Variants in RGS6 observed in about 807,000 individuals in gnomAD.
The protein encoded by RGS6 is regulator of G-protein signaling 6.
A neutral mutation model predicts 78.5 loss-of-function variants in RGS6; 30 were observed. The ratio of observed to expected loss-of-function variants is 0.38; its 90% CI spans 0.29 to 0.52. The LOEUF is 0.52. RGS6 is among the 20% of genes least tolerant of loss of function. The probability of loss-of-function intolerance (pLI) is 0.85; values close to 1 mark genes in which losing one functional copy is unlikely to be tolerated. For missense variants in RGS6, 495 were observed against 609.7 expected, an observed-to-expected ratio of 0.81 and a Z score of 1.98; for synonymous variants, 206 against 206.0, an observed-to-expected ratio of 1.00 and a Z score of 0.00.
chr14:72,328,567 A>G (rs936835225), intron 2 of RGS6, among the ~76,000 whole-genome samples: 6 of 152,232 alleles, frequency 3.9e-5, no homozygotes, highest in Admixed American at 3.9e-4. Context: ...CATGACTCAT[A>G]AAGAGTAATT....
At chr14:72,450,982 A>G (rs2095478307) in intron 3 of RGS6, among the ~76,000 whole-genome samples, 1 of 152,218 alleles carries the variant, frequency 6.6e-6, no homozygotes, top group Non-Finnish European at 1.5e-5. Context: ...ACTCCCTGCC[A>G]CGGGCTGGAG....
At chr14:72,107,387 C>T (rs941282050) in intron 2 of RGS6, among the ~76,000 whole-genome samples, 3 of 152,152 alleles carry the variant, frequency 2.0e-5, no homozygotes, top group African/African-American at 7.2e-5. Context: ...TTTGGTATAA[C>T]TCTAGCACTA....
chr14:72,199,138 T>C (rs1427767601), intron 2 of RGS6, among the ~76,000 whole-genome samples: 1 of 152,172 alleles, frequency 6.6e-6, no homozygotes, highest in Non-Finnish European at 1.5e-5. Flanking sequence ...GATTTGTAAA[T>C]GATGTGTATA....
At chr14:72,375,637 T>C (rs1450332222) in intron 3 of RGS6, among the ~76,000 whole-genome samples, 2 of 152,230 alleles carry the variant, frequency 1.3e-5, no homozygotes, top group Non-Finnish European at 2.9e-5. Context: ...TGACCCACTG[T>C]GTGCAGACAT....
chr14:72,078,526 G>T (rs138208573), intron 2 of RGS6, among the ~76,000 whole-genome samples: 1 of 151,862 alleles, frequency 6.6e-6, no homozygotes, highest in Non-Finnish European at 1.5e-5. Flanking sequence ...TGATTCTCCC[G>T]CCTCAGCTTC....
intron 17 of RGS6, among the ~76,000 whole-genome samples, chr14:72,551,317 C>T (rs2097503503): frequency 6.6e-6 from 1 of 152,142 alleles, no homozygotes; most frequent in African/African-American, 2.4e-5. Flanking sequence ...GCATCTTGCT[C>T]CAGCAGGACT....
chr14:71,924,541 T>G, the RGS6 span, among the ~76,000 whole-genome samples: 2 of 152,176 alleles, frequency 1.3e-5, no homozygotes, highest in African/African-American at 4.8e-5. Context: ...ACCTACATCT[T>G]CTCATTTCCA....
chr14:72,629,570 A>G, the RGS6 span: 9 of 1,486,380 alleles, frequency 6.1e-6, no homozygotes, highest in East Asian at 2.0e-4. Context: ...TCACCCCTCA[A>G]AGGACCCCAG....
chr14:72,381,123 C>G (rs1257470898), intron 3 of RGS6, among the ~76,000 whole-genome samples: 1 of 151,940 alleles, frequency 6.6e-6, no homozygotes. Context: ...ATATTGATCT[C>G]ATAGAAGTAG....
At chr14:71,922,205 A>G in the RGS6 span, among the ~76,000 whole-genome samples, 128 of 152,332 alleles carry the variant, frequency 8.4e-4, no homozygotes, top group African/African-American at 3.0e-3. Flanking sequence ...GGTTGGAATC[A>G]TCTTTGACTC....
chr14:71,957,415 G>C (rs2092870582), intron 1 of RGS6, among the ~76,000 whole-genome samples: 2 of 151,784 alleles, frequency 1.3e-5, no homozygotes, highest in African/African-American at 2.4e-5. Context: ...CTGGTCTTCA[G>C]ATATATGACG....
chr14:72,476,745 G>T lies in RGS6; in HGVS notation c.697G>T (p.Val233Leu), dbSNP rs141922821. The change falls in exon 11 of 18, where the codon GTG (valine) becomes TTG (leucine). Residue 233 changes from valine (V) to leucine (L), a missense_variant. By Grantham distance (32) the Val-to-Leu change is conservative (BLOSUM62 1). Transcript: ENST00000553525. Reference sequence around the variant, plus strand: ...CTGTGCTTGCTTCTTCTCCTAGTCCGTGTATGGCGTGACTGAAGAGTCCCA... The same window carrying T: ...CTGTGCTTGCTTCTTCTCCTAGTCCTTGTATGGCGTGACTGAAGAGTCCCA... The part of the protein sequence containing the change: ...LKNPQKVKKS[V>L]YGVTEESQAQ... 1.2e-6 allele frequency: 2 copies of T among 1,613,802 alleles called. No homozygotes were observed. Among genetic ancestry groups the T allele is most frequent in the Admixed American group, 3.3e-5 (2 of 59,998 alleles).
chr14:72,575,005 T>A, the RGS6 span, among the ~76,000 whole-genome samples: 1 of 150,954 alleles, frequency 6.6e-6, no homozygotes, highest in Non-Finnish European at 1.5e-5. Context: ...AAGGGAGAGG[T>A]GGGTGTTGAG....
At chr14:72,069,332 A>G (rs1315226559) in intron 2 of RGS6, among the ~76,000 whole-genome samples, 2 of 151,896 alleles carry the variant, frequency 1.3e-5, no homozygotes, top group Non-Finnish European at 2.9e-5. Flanking sequence ...CTAGTTTGTT[A>G]TATACCCTAT....
At chr14:72,213,477 A>G (rs938500132) in intron 2 of RGS6, among the ~76,000 whole-genome samples, 2 of 152,182 alleles carry the variant, frequency 1.3e-5, no homozygotes, top group African/African-American at 4.8e-5. Context: ...CCCTGTGATC[A>G]ATCTGGACAA....
intron 13 of RGS6, among the ~76,000 whole-genome samples, chr14:72,506,526 G>T (rs1224325720): frequency 6.6e-6 from 1 of 152,194 alleles, no homozygotes. Context: ...ATGATATTGG[G>T]AATACTCAAG....
In RGS6 at chr14:72,518,516, A is replaced by G; in HGVS notation, c.1257A>G (p.Arg419=). 2 of 1,614,168 alleles carry G rather than the reference A, an allele frequency of 1.2e-6. No individual in the cohort carries two copies. Among genetic ancestry groups the G allele is most frequent in the Non-Finnish European group, 1.7e-6 (2 of 1,180,004 alleles). Residue 419 remains arginine (R), a synonymous_variant, in exon 15 of 18, where the codon AGA becomes AGG. Coordinates refer to ENST00000553525, the MANE Select transcript of RGS6 (RefSeq NM_001204424.2). ...GTCAAAATGTCAAAGATGGAGGGAG[A>G]TATACATTTGAAGACGCCCAGGTTT... ...ITSQNVKDGG[R]YTFEDAQEHI...
chr14:72,483,489 T>C (rs752665386), intron 12 of RGS6, among the ~76,000 whole-genome samples: 1 of 152,114 alleles, frequency 6.6e-6, no homozygotes, highest in African/African-American at 2.4e-5. Context: ...TCAGTGATCA[T>C]GAAATGTAAT....
At chr14:72,508,454 A>G (rs963300914) in intron 13 of RGS6, among the ~76,000 whole-genome samples, 1 of 151,856 alleles carries the variant, frequency 6.6e-6, no homozygotes, top group Non-Finnish European at 1.5e-5. Flanking sequence ...AGTGGCTGCC[A>G]TATTGGAGAG....
Sources: allele counts gnomAD v4.1 joint callset (sites outside exome capture counted in the v4.1 genomes callset), GRCh38; gene constraint gnomAD v4.1.1; transcripts MANE v1.5; gene names NCBI Gene and HGNC (gene_info 2026-07-23, HGNC 2026-07-21).